PPP1R12C: variants seen among roughly 807,000 people sequenced by gnomAD.
PPP1R12C encodes the protein leukocyte receptor cluster (LRC) encoded novel gene 3.
A neutral mutation model predicts 95.6 loss-of-function variants in PPP1R12C; 48 were observed. That is an observed-to-expected ratio of 0.50 (90% confidence interval 0.40 to 0.64). PPP1R12C has a LOEUF of 0.64. Ranked by LOEUF, PPP1R12C falls within the 30% of genes least tolerant of loss-of-function variation. The pLI, the probability that PPP1R12C is intolerant of heterozygous loss-of-function variation, is 0.00. For synonymous variants in PPP1R12C, 480 were observed against 460.8 expected, an observed-to-expected ratio of 1.04 and a Z score of -0.53; for missense variants, 1,057 against 1,083.3, an observed-to-expected ratio of 0.98 and a Z score of 0.34.
At chr19:55,107,830 C>CCTGCATG (rs2147204480) in intron 3 of PPP1R12C, among the ~76,000 whole-genome samples, 1 of 150,204 alleles carries the variant, frequency 6.7e-6, no homozygotes, top group Admixed American at 6.6e-5. Flanking sequence ...TACCATAGAA[C>CCTGCATG]TTAAAGTATA....
At chr19:55,112,445 C>T in intron 3 of PPP1R12C, 22 bp downstream of exon 3, 1 of 1,600,700 alleles carries the variant, frequency 6.2e-7, no homozygotes. Flanking sequence ...CCCCACCCCA[C>T]ACACAGCACA....
chr19:55,098,176 T>C (rs1053406579), intron 6 of PPP1R12C, among the ~76,000 whole-genome samples: 2 of 152,042 alleles, frequency 1.3e-5, no homozygotes, highest in Non-Finnish European at 2.9e-5. Context: ...GGGCACGTAC[T>C]CCCCCGAGCT....
Position 55,091,397 on chromosome 19 carries a change from C to T in PPP1R12C, c.*75G>A, listed in dbSNP as rs575277411. The T allele has an allele frequency of 3.3e-5, 47 of 1,412,774 alleles. No homozygotes were observed. The South Asian group carries it at 4.2e-4, about 13-fold the overall frequency. The allele number at this position is 1,412,774 out of a possible 1,614,324, so 87.5% of individuals were successfully genotyped here. On this transcript the variant is annotated 3_prime_UTR_variant, in exon 22 of 22. Coordinates refer to ENST00000263433, the MANE Select transcript of PPP1R12C (RefSeq NM_017607.4). ...AGACTTCCCCCGGAGCCCTGTCACT[C>T]GTGTTCACACGGGGGAAGGGGTGCG... is the stretch of plus-strand genomic sequence containing the variant.
Position 55,097,869 on chromosome 19 carries a change from T to C in PPP1R12C, c.951+915A>G, listed in dbSNP as rs530639489. Among the ~76,000 whole-genome samples the C allele has an allele frequency of 4.6e-5, 7 of 152,208 alleles. No homozygotes were observed. The East Asian group carries it at 9.7e-4, about 21-fold the overall frequency. On this transcript the variant is annotated intron_variant, in intron 6 of 21. Coordinates refer to ENST00000263433, the MANE Select transcript of PPP1R12C (RefSeq NM_017607.4). ...CCACCTATTAAACCCCTCATGGCCG[T>C]ATCACCCTCAGGATGGAAGCCACCA...
At chr19:55,104,532 G>C (rs1469872988) in intron 3 of PPP1R12C, among the ~76,000 whole-genome samples, 1 of 151,398 alleles carries the variant, frequency 6.6e-6, no homozygotes, top group East Asian at 2.0e-4. Flanking sequence ...TTGAAACCGT[G>C]TCTCTCCTAA....
intron 1 of PPP1R12C, chr19:55,113,514 TG>T: frequency 3.6e-6 from 5 of 1,395,376 alleles, no homozygotes; most frequent in South Asian, 3.0e-5. Flanking sequence ...GTCCAAAACT[TG>T]GGGGGACAAA....
chr19:55,094,366 G>T lies in PPP1R12C; in HGVS notation c.1662C>A (p.Arg554=). 5 of 1,612,336 alleles carry T rather than the reference G, an allele frequency of 3.1e-6. No individual in the cohort carries two copies. The highest frequency in any genetic ancestry group is 3.4e-6 in the Non-Finnish European group (4 of 1,179,952). The change falls in exon 13 of 22, where the codon CGC becomes CGA. Residue 554 remains arginine, a synonymous_variant. Transcript: ENST00000263433. ...SQRKARSRLM[R]QSRRSTQGVT... ...ACACCTGTGTGGACCTCCGAGACTG[G>T]CGCATGAGACGGGAGCGAGCTTTTC...
chr19:55,098,763 C>G, intron 6 of PPP1R12C, 21 bp downstream of exon 6: 1 of 1,613,054 alleles, frequency 6.2e-7, no homozygotes. Context: ...CTGGGGTAAG[C>G]CCCTCAGCCC....
At chr19:55,113,681 G>C (rs2085122741) in intron 1 of PPP1R12C, 4 of 1,089,004 alleles carry the variant, frequency 3.7e-6, no homozygotes, top group Non-Finnish European at 4.7e-6. Flanking sequence ...CTCCAAAGCT[G>C]CCCATCTGGA....
chr19:55,102,921 G>A (rs2084993946), intron 4 of PPP1R12C, among the ~76,000 whole-genome samples: 1 of 152,198 alleles, frequency 6.6e-6, no homozygotes, highest in Non-Finnish European at 1.5e-5. Flanking sequence ...TTGAAATTAG[G>A]CCAAGCACAG....
Position 55,113,749 on chromosome 19 carries a change from G to T in PPP1R12C, c.322-954C>A, listed in dbSNP as rs899811565. On this transcript the variant is annotated intron_variant, in intron 1 of 21. Coordinates refer to ENST00000263433, the MANE Select transcript of PPP1R12C (RefSeq NM_017607.4). ...ATGAGGTCATGGAAACTCGGGCTGTGAAGGGGCCGCACGTGCCCTGGGAAC... is the reference window on the plus strand; with the variant it reads ...ATGAGGTCATGGAAACTCGGGCTGTTAAGGGGCCGCACGTGCCCTGGGAAC... The T allele has an allele frequency of 5.0e-5, 22 of 437,088 alleles. No individual in the cohort carries two copies. In the Admixed American group the frequency reaches 8.0e-4, roughly 16 times the overall value. The allele number at this position is 437,088 out of a possible 1,614,324, so 27.1% of individuals were successfully genotyped here.
At chr19:55,092,021 T>G in intron 19 of PPP1R12C, 112 bp from the exon 20 acceptor site, 1 of 1,324,690 alleles carries the variant, frequency 7.5e-7, no homozygotes, top group Non-Finnish European at 1.1e-6. Context: ...CACAAGCCCT[T>G]CCCCCACGGG....
chr19:55,096,020 G>C (rs1428666891), intron 8 of PPP1R12C, 31 bp downstream of exon 8: 2 of 1,608,070 alleles, frequency 1.2e-6, no homozygotes, highest in Admixed American at 3.3e-5. Context: ...CTCCTCCCTC[G>C]GACCCAGGAG....
Position 55,112,538 on chromosome 19 carries a change from C to A in PPP1R12C, c.500G>T (p.Gly167Val). 6.2e-7 allele frequency: 1 copy of A among 1,613,318 alleles called. No individual in the cohort carries two copies. The highest frequency in any genetic ancestry group is 8.5e-7 in the Non-Finnish European group (1 of 1,179,784). Residue 167 changes from glycine to valine, a missense_variant, in exon 3 of 22, where the codon GGG becomes GTG. This residue lies in a region of PPP1R12C where 282 missense variants were observed against 380.4 expected (regional missense o/e 0.74). Transcript: ENST00000263433. ...GANIAAVNSD[G>V]DLPLDLAESD... ...CTCGGCCAGGTCCAGGGGCAGGTCC[C>A]CGTCACTGTTGACGGCGGCGATGTT...
rs759747513 is a variant in PPP1R12C, at chr19:55,094,682, G to A, written c.1571C>T (p.Ala524Val). 5 of 1,602,898 alleles carry A rather than the reference G, an allele frequency of 3.1e-6. No homozygotes were observed. The highest frequency in any genetic ancestry group is 3.4e-6 in the Non-Finnish European group (4 of 1,176,690). Residue 524 changes from alanine (A) to valine (V), a missense_variant, in exon 12 of 22, where the codon GCG becomes GTG. Ala to Val is a moderately conservative substitution (Grantham distance 64). Around this residue, in one of 5 missense-constraint regions of PPP1R12C, gnomAD observed 356 missense variants for 330.5 expected, o/e 1.08. Coordinates refer to ENST00000263433, the MANE Select transcript of PPP1R12C (RefSeq NM_017607.4). ...NVPTASTAPP[A>V]DSRDRRRSYQ... ...TCACCTCCGTCGGTCCCGGGAGTCC[G>A]CTGGGGGCGCCGTGGAGGCTGTGGG... is the stretch of plus-strand genomic sequence containing the variant.
At chr19:55,101,843 G>A (rs887010068) in intron 4 of PPP1R12C, among the ~76,000 whole-genome samples, 6 of 152,136 alleles carry the variant, frequency 3.9e-5, no homozygotes, top group South Asian at 2.1e-4. Flanking sequence ...AAGGGACAGC[G>A]GTCTGGAGCT....
At position 55,091,317 on chromosome 19, in the gene PPP1R12C, G is replaced by A; in HGVS notation, c.*155C>T. On this transcript the variant is annotated 3_prime_UTR_variant, in exon 22 of 22. Coordinates refer to ENST00000263433, the MANE Select transcript of PPP1R12C (RefSeq NM_017607.4). ...GCCTCGGGTGGCCCCCTCGGCTCCT[G>A]GGGACTCTGCTCCCCTCCCAGTCCG... 2.5e-6 allele frequency: 2 copies of A among 811,214 alleles called. No individual in the cohort carries two copies. Among genetic ancestry groups the A allele is most frequent in the Non-Finnish European group, 3.8e-6 (2 of 520,234 alleles). 50.3% of individuals were successfully genotyped at this position (811,214 alleles called of 1,614,324 possible).
Position 55,117,286 on chromosome 19 carries a change from C to T in PPP1R12C, c.258G>A (p.Ala86=). 16 of 1,219,490 alleles carry T rather than the reference C, an allele frequency of 1.3e-5. No homozygotes were observed. The highest frequency in any genetic ancestry group is 1.5e-5 in the Non-Finnish European group (15 of 981,454). 75.5% of individuals were successfully genotyped at this position (1,219,490 alleles called of 1,614,324 possible). ...CCAGCACGGCGCGGGCGGGCGGCGG[C>T]GCGGCGGGGTCGAGCTCGGCGCCGG... is the stretch of plus-strand genomic sequence containing the variant. ...PGPGAELDPA[A]PPPARAVLDS... is the part of the protein sequence containing the mutation. The change falls in exon 1 of 22, where the codon GCG becomes GCA. Residue 86 remains alanine, a synonymous_variant. Coordinates refer to ENST00000263433, the MANE Select transcript of PPP1R12C (RefSeq NM_017607.4).
intron 10 of PPP1R12C, 40 bp from the exon 11 acceptor site, chr19:55,095,398 C>G (rs1033667100): frequency 6.4e-7 from 1 of 1,568,120 alleles, no homozygotes; most frequent in Admixed American, 1.9e-5. Flanking sequence ...GCAGTTCCCT[C>G]GACTGGGCAG....
Sources: gnomAD v4.1 joint callset for allele counts (sites outside exome capture counted in the v4.1 genomes callset) on GRCh38, gnomAD v4.1.1 for gene constraint, gnomAD v4.1.1 regional missense constraint, MANE v1.5 for transcripts, NCBI Gene and HGNC (gene_info 2026-07-23, HGNC 2026-07-21) for gene names.